CNTN1: variants seen among roughly 807,000 people sequenced by gnomAD.
CNTN1 encodes contactin-1.
A neutral mutation model predicts 126.4 loss-of-function variants in CNTN1; 38 were observed. The observed-to-expected ratio is 0.30, with a 90% CI of 0.23 to 0.39. CNTN1 has a LOEUF of 0.39. Ranked by LOEUF, CNTN1 falls within the 10% of genes least tolerant of loss-of-function variation. CNTN1 has a pLI of 1.00. For synonymous variants in CNTN1, 413 were observed against 422.6 expected (o/e 0.98, Z 0.28); for missense variants, 1,009 against 1,248.4 (o/e 0.81, Z 2.89).
chr12:41,027,500 G>C (rs1275042107), intron 21 of CNTN1, among the ~76,000 whole-genome samples: 1 of 152,116 alleles, frequency 6.6e-6, no homozygotes, highest in Admixed American at 6.5e-5. Context: ...TCTGTGAAAT[G>C]CTCCAAAAAT....
At chr12:40,977,195 G>T (rs1947699170) in intron 15 of CNTN1, among the ~76,000 whole-genome samples, 1 of 152,078 alleles carries the variant, frequency 6.6e-6, no homozygotes, top group Non-Finnish European at 1.5e-5. Flanking sequence ...AGGATTTTCT[G>T]ATTGGCAATT....
At chr12:40,698,632 T>A (rs1252393801) in intron 1 of CNTN1, among the ~76,000 whole-genome samples, 1 of 152,188 alleles carries the variant, frequency 6.6e-6, no homozygotes, top group Admixed American at 6.5e-5. Context: ...TCCCTCATAG[T>A]CGCCTTCTTC....
At chr12:40,694,277 A>T (rs897899992) in intron 1 of CNTN1, among the ~76,000 whole-genome samples, 1 of 152,162 alleles carries the variant, frequency 6.6e-6, no homozygotes, top group African/African-American at 2.4e-5. Flanking sequence ...TGATATTTAA[A>T]TTTGTACTGC....
Position 40,966,967 on chromosome 12 carries a change from A to G in CNTN1, c.1804+7733A>G, listed in dbSNP as rs1345049. Among the ~76,000 whole-genome samples, 1,453 of 152,218 alleles carry G rather than the reference A, an allele frequency of 9.5e-3. 21 individuals carry two copies. The highest frequency in any genetic ancestry group is 0.033 in the African/African-American group (1,375 of 41,526). On this transcript the variant is annotated intron_variant, in intron 15 of 23. Coordinates refer to ENST00000551295, the MANE Select transcript of CNTN1 (RefSeq NM_001843.4). ...AATTAATTACTCCCGGGTCTCTTAT[A>G]ATCAAACTGGTCAGCTTTTGGCAAA...
At chr12:40,840,014 TA>T (rs1274960364) in intron 1 of CNTN1, among the ~76,000 whole-genome samples, 1 of 152,020 alleles carries the variant, frequency 6.6e-6, no homozygotes, top group Non-Finnish European at 1.5e-5. Context: ...ATCTTAAATA[TA>T]AATGAACTAA....
chr12:41,049,178 C>A (rs1357885385), intron 23 of CNTN1, among the ~76,000 whole-genome samples: 1 of 152,168 alleles, frequency 6.6e-6, no homozygotes, highest in Admixed American at 6.6e-5. Context: ...AACCTTTGAA[C>A]TTTAAAGTCT....
intron 2 of CNTN1, among the ~76,000 whole-genome samples, chr12:40,908,855 G>A (rs565795582): frequency 6.6e-6 from 1 of 152,196 alleles, no homozygotes; most frequent in South Asian, 2.1e-4. Context: ...CCAGTCTGTA[G>A]TATTTTCACC....
chr12:40,799,353 A>G (rs1021989019), intron 1 of CNTN1, among the ~76,000 whole-genome samples: 11 of 151,862 alleles, frequency 7.2e-5, no homozygotes, highest in African/African-American at 2.7e-4. Flanking sequence ...CTGTATGACC[A>G]AGTCAGAGTA....
chr12:40,736,560 T>C (rs1937692998), intron 1 of CNTN1, among the ~76,000 whole-genome samples: 1 of 152,092 alleles, frequency 6.6e-6, no homozygotes, highest in South Asian at 2.1e-4. Flanking sequence ...AAGAGCAGAT[T>C]ACTTGGAAAG....
chr12:40,816,463 G>A (rs557247355), intron 1 of CNTN1, among the ~76,000 whole-genome samples: 3 of 152,008 alleles, frequency 2.0e-5, no homozygotes, highest in East Asian at 3.9e-4. Flanking sequence ...ATTCTCTGAC[G>A]GTAGTTTGTA....
intron 1 of CNTN1, among the ~76,000 whole-genome samples, chr12:40,790,868 C>T (rs1940195611): frequency 6.6e-6 from 1 of 152,074 alleles, no homozygotes; most frequent in Non-Finnish European, 1.5e-5. Flanking sequence ...CATCAATGAC[C>T]TTAATTCAAA....
chr12:41,005,206 T>TA (rs1425724946), intron 17 of CNTN1: 1 of 152,206 alleles, frequency 6.6e-6, no homozygotes, highest in Non-Finnish European at 1.5e-5. Flanking sequence ...TTTGGCTAGA[T>TA]ATAGAATTCT....
At chr12:40,902,951 A>T (rs1382779067) in intron 1 of CNTN1, among the ~76,000 whole-genome samples, 2 of 152,192 alleles carry the variant, frequency 1.3e-5, no homozygotes. Flanking sequence ...AAGAAGAATG[A>T]CAAGTAGAGG....
intron 3 of CNTN1, 142 bp from the exon 4 acceptor site, chr12:40,918,497 A>G: frequency 1.1e-5 from 8 of 732,056 alleles, no homozygotes; most frequent in Non-Finnish European, 1.9e-5. Context: ...TTGGCTCAGT[A>G]TTATGGAGGC....
intron 1 of CNTN1, among the ~76,000 whole-genome samples, chr12:40,801,029 T>A (rs1044833801): frequency 4.6e-5 from 7 of 150,682 alleles, no homozygotes; most frequent in Admixed American, 6.6e-5. Context: ...TTTTTTTTTT[T>A]AAGATAGATT....
At chr12:40,949,687 G>T (rs560837932) in intron 14 of CNTN1, among the ~76,000 whole-genome samples, 2 of 145,132 alleles carry the variant, frequency 1.4e-5, no homozygotes, top group Non-Finnish European at 3.0e-5. Flanking sequence ...TAATTCTCTG[G>T]CCTCAGCCTC....
chr12:40,979,239 T>C (rs1947760399), intron 15 of CNTN1: 1 of 152,186 alleles, frequency 6.6e-6, no homozygotes, highest in Non-Finnish European at 1.5e-5. Context: ...AAATTTACTG[T>C]CATGGATAGG....
At position 41,025,344 on chromosome 12, in the gene CNTN1, T is replaced by C. The variant is rs1301460928; in HGVS notation, c.2710+8T>C. On this transcript the variant is annotated splice_region_variant and intron_variant, in intron 21 of 23. Coordinates refer to ENST00000551295, the MANE Select transcript of CNTN1 (RefSeq NM_001843.4). ...CTTTCACCAAGAAAGCACGTGAGTCTCACGTTTTGTTTTTAGACTTGTCAA... is the reference window on the plus strand; with the variant it reads ...CTTTCACCAAGAAAGCACGTGAGTCCCACGTTTTGTTTTTAGACTTGTCAA... 1 of 1,612,810 alleles carries C rather than the reference T, an allele frequency of 6.2e-7. No individual in the cohort carries two copies. The highest frequency in any genetic ancestry group is 1.1e-5 in the South Asian group (1 of 91,048).
intron 1 of CNTN1, among the ~76,000 whole-genome samples, chr12:40,864,388 A>G (rs1943229393): frequency 6.6e-6 from 1 of 152,002 alleles, no homozygotes; most frequent in Admixed American, 6.6e-5. Context: ...CACCCATTTA[A>G]AGTGTACAAT....
Sources: gnomAD v4.1 joint callset for allele counts (sites outside exome capture counted in the v4.1 genomes callset) on GRCh38, gnomAD v4.1.1 for gene constraint, MANE v1.5 for transcripts, NCBI Gene and HGNC (gene_info 2026-07-23, HGNC 2026-07-21) for gene names.